RPS6KC1: variants seen among roughly 807,000 people sequenced by gnomAD.
The protein encoded by RPS6KC1 is ribosomal protein S6 kinase C1.
RPS6KC1 carries 54 observed loss-of-function variants against 103.8 expected under a neutral mutation model. The observed-to-expected ratio is 0.52, with a 90% CI of 0.42 to 0.65. The LOEUF (loss-of-function observed/expected upper bound fraction) is 0.65. RPS6KC1 is among the 30% of genes least tolerant of loss of function. The probability of loss-of-function intolerance (pLI) is 0.00; values close to 1 mark genes in which losing one functional copy is unlikely to be tolerated. For synonymous variants in RPS6KC1, 439 were observed against 438.7 expected, an observed-to-expected ratio of 1.00 and a Z score of -0.01; for missense variants, 1,151 against 1,253.8, an observed-to-expected ratio of 0.92 and a Z score of 1.24.
rs1188070971 is a variant in RPS6KC1 at position 213,273,271 on chromosome 1, A to G, written c.*637A>G. ...GCTTATTTAGAGAAGGGTTCATATA[A>G]ACACTCACTCTGTGTCTTCAACAGC... is the stretch of plus-strand genomic sequence containing the variant. On this transcript the variant is annotated 3_prime_UTR_variant, in exon 15 of 15. Transcript: ENST00000366960. The G allele has an allele frequency of 6.6e-6, 1 of 152,586 alleles. No individual in the cohort carries two copies. The highest frequency in any genetic ancestry group is 1.5e-5 in the Non-Finnish European group (1 of 68,060). 9.5% of individuals were successfully genotyped at this position (152,586 alleles called of 1,614,324 possible).
the RPS6KC1 span, among the ~76,000 whole-genome samples, chr1:213,515,711 G>A: frequency 7.9e-5 from 12 of 152,064 alleles, no homozygotes; most frequent in Non-Finnish European, 1.2e-4. Flanking sequence ...TTGGCAATGC[G>A]GGCTCTTTTT....
chr1:213,659,347 A>T, the RPS6KC1 span, among the ~76,000 whole-genome samples: 462 of 152,186 alleles, frequency 3.0e-3, 1 homozygote, highest in Non-Finnish European at 5.0e-3. Flanking sequence ...TCTTATTCTG[A>T]TACGCTGTCC....
chr1:213,166,028 T>TA (rs1174948875), intron 6 of RPS6KC1, among the ~76,000 whole-genome samples: 1 of 152,186 alleles, frequency 6.6e-6, no homozygotes, highest in Non-Finnish European at 1.5e-5. Context: ...ACCAAAAGTT[T>TA]AAAAAATAGT....
At chr1:213,126,177 A>G (rs930076596) in intron 5 of RPS6KC1, among the ~76,000 whole-genome samples, 21 of 152,156 alleles carry the variant, frequency 1.4e-4, no homozygotes, top group African/African-American at 4.8e-4. Context: ...TTTACATTGA[A>G]ATACATAAAA....
chr1:213,751,916 T>A, the RPS6KC1 span, among the ~76,000 whole-genome samples: 1 of 152,168 alleles, frequency 6.6e-6, no homozygotes, highest in East Asian at 1.9e-4. Flanking sequence ...AGGTCACACC[T>A]CAGACCTAGG....
intron 1 of RPS6KC1, among the ~76,000 whole-genome samples, chr1:213,064,460 C>G (rs1047259015): frequency 6.6e-6 from 1 of 151,704 alleles, no homozygotes; most frequent in Non-Finnish European, 1.5e-5. Flanking sequence ...CTCCACCTCC[C>G]GGGTTCAAGC....
In RPS6KC1 at chr1:213,112,349, T is replaced by C. The variant is rs569076376; in HGVS notation, c.379-4968T>C. Among the ~76,000 whole-genome samples, 29 of 152,260 alleles carry C rather than the reference T, an allele frequency of 1.9e-4. No individual in the cohort carries two copies. The East Asian group carries it at 3.7e-3, about 19-fold the overall frequency. On this transcript the variant is annotated intron_variant, in intron 4 of 14. Coordinates refer to ENST00000366960, the MANE Select transcript of RPS6KC1 (RefSeq NM_012424.6). The stretch of plus-strand genomic sequence containing the variant: ...TACCACCACTACTTGTCTGGTGATA[T>C]CATTCTCTAGCTGCATGTAGAGTAA...
chr1:213,712,868 G>A, the RPS6KC1 span, among the ~76,000 whole-genome samples: 5 of 152,092 alleles, frequency 3.3e-5, no homozygotes, highest in Admixed American at 6.6e-5. Flanking sequence ...TCCCAATGAG[G>A]TAAGCCAGGT....
intron 8 of RPS6KC1, among the ~76,000 whole-genome samples, chr1:213,213,605 C>A (rs971583961): frequency 1.3e-5 from 2 of 152,118 alleles, no homozygotes; most frequent in Non-Finnish European, 2.9e-5. Context: ...TAAAATTTTT[C>A]TTTATCTTTA....
At chr1:213,102,837 T>C (rs2082133011) in intron 3 of RPS6KC1, among the ~76,000 whole-genome samples, 1 of 152,172 alleles carries the variant, frequency 6.6e-6, no homozygotes, top group Non-Finnish European at 1.5e-5. Flanking sequence ...TGGAATTCTG[T>C]GGGATTATTG....
the RPS6KC1 span, among the ~76,000 whole-genome samples, chr1:213,568,592 G>A: frequency 2.0e-5 from 3 of 152,208 alleles, no homozygotes; most frequent in African/African-American, 7.2e-5. Flanking sequence ...ATGTTCTCCA[G>A]GGCTAGGTAT....
chr1:213,232,396 T>A, intron 10 of RPS6KC1, 141 bp downstream of exon 10: 2 of 1,024,568 alleles, frequency 2.0e-6, no homozygotes, highest in Non-Finnish European at 2.9e-6. Context: ...TCTACCTCCC[T>A]ACTTTGAGTT....
the RPS6KC1 span, among the ~76,000 whole-genome samples, chr1:213,451,192 A>G: frequency 5.3e-5 from 8 of 152,196 alleles, no homozygotes; most frequent in Non-Finnish European, 1.2e-4. Flanking sequence ...ACATTTCTAC[A>G]TTTCTCACTA....
intron 6 of RPS6KC1, among the ~76,000 whole-genome samples, chr1:213,130,449 A>C (rs1467651892): frequency 6.6e-6 from 1 of 152,084 alleles, no homozygotes; most frequent in East Asian, 1.9e-4. Context: ...TTAACCCTTA[A>C]ATTTTTCCTT....
At chr1:213,290,905 C>G in the RPS6KC1 span, among the ~76,000 whole-genome samples, 1 of 152,150 alleles carries the variant, frequency 6.6e-6, no homozygotes, top group African/African-American at 2.4e-5. Flanking sequence ...TAAATTAGAC[C>G]TGGGCCCCCT....
chr1:213,277,243 T>C (rs988870682), downstream of RPS6KC1, among the ~76,000 whole-genome samples: 3 of 152,236 alleles, frequency 2.0e-5, no homozygotes, highest in Non-Finnish European at 4.4e-5. Flanking sequence ...ACTTACTCTC[T>C]CAAGGACAGT....
chr1:213,270,313 T>C (rs1225550658), intron 14 of RPS6KC1, among the ~76,000 whole-genome samples: 1 of 152,230 alleles, frequency 6.6e-6, no homozygotes, highest in Non-Finnish European at 1.5e-5. Context: ...ATATAAGAGT[T>C]AAAGCCATAA....
At chr1:213,386,067 C>T in the RPS6KC1 span, among the ~76,000 whole-genome samples, 19,345 of 152,046 alleles carry the variant, frequency 0.13, 1,452 homozygotes, top group South Asian at 0.24. Context: ...GTCATGGGGG[C>T]GGATTCCTCA....
chr1:213,220,601 A>C (rs1219555109), intron 8 of RPS6KC1, among the ~76,000 whole-genome samples: 1 of 152,240 alleles, frequency 6.6e-6, no homozygotes, highest in Non-Finnish European at 1.5e-5. Flanking sequence ...CTGGGATTGC[A>C]GATGTGAGTC....
Sources: allele counts gnomAD v4.1 joint callset (sites outside exome capture counted in the v4.1 genomes callset), GRCh38; gene constraint gnomAD v4.1.1; transcripts MANE v1.5; gene names NCBI Gene and HGNC (gene_info 2026-07-23, HGNC 2026-07-21).